Variants in NAV2 observed in about 807,000 individuals in gnomAD.
NAV2 encodes helicase, APC down-regulated 1.
NAV2 carries 54 observed loss-of-function variants against 223.2 expected under a neutral mutation model. That is an observed-to-expected ratio of 0.24 (90% CI 0.19 to 0.30). The LOEUF (loss-of-function observed/expected upper bound fraction) is 0.30. Ranked by LOEUF, NAV2 falls within the 10% of genes least tolerant of loss-of-function variation. The probability of loss-of-function intolerance (pLI) is 1.00; values close to 1 mark genes in which losing one functional copy is unlikely to be tolerated. For synonymous variants in NAV2, 1,279 were observed against 1,239.3 expected (o/e 1.03, Z -0.67); for missense variants, 2,806 against 3,147.5 (o/e 0.89, Z 2.60).
intron 1 of NAV2, among the ~76,000 whole-genome samples, chr11:19,553,091 T>C (rs563820505): frequency 2.0e-5 from 3 of 152,288 alleles, no homozygotes; most frequent in South Asian, 4.1e-4. Flanking sequence ...TGCAGGAAAA[T>C]GTCCCTTGGT....
intron 3 of NAV2, among the ~76,000 whole-genome samples, chr11:19,845,416 G>A (rs2060746576): frequency 6.6e-6 from 1 of 152,174 alleles, no homozygotes; most frequent in Non-Finnish European, 1.5e-5. Flanking sequence ...CTTGGGAAGT[G>A]TATCCTGTTA....
chr11:19,691,747 C>T (rs1056435733), intron 1 of NAV2, among the ~76,000 whole-genome samples: 1 of 152,128 alleles, frequency 6.6e-6, no homozygotes, highest in Non-Finnish European at 1.5e-5. Context: ...CAGCAGTCCC[C>T]ACTCTCACCC....
chr11:19,534,469 G>C (rs1183381950), intron 1 of NAV2, among the ~76,000 whole-genome samples: 1 of 152,218 alleles, frequency 6.6e-6, no homozygotes, highest in Admixed American at 6.5e-5. Flanking sequence ...TACGAGCTCA[G>C]TGTCTCATGG....
At chr11:19,934,389 T>A in intron 7 of NAV2, 112 bp downstream of exon 7, 1 of 1,297,464 alleles carries the variant, frequency 7.7e-7, no homozygotes, top group Non-Finnish European at 1.0e-6. Flanking sequence ...AATACTTAAG[T>A]CAGTAGCTAA....
intron 1 of NAV2, among the ~76,000 whole-genome samples, chr11:19,662,602 G>A (rs2048315199): frequency 6.6e-6 from 1 of 152,236 alleles, no homozygotes. Flanking sequence ...GGGTGACAGT[G>A]TGGCCCTCAG....
chr11:19,884,780 G>GTGTTGT (rs66462782), intron 5 of NAV2, among the ~76,000 whole-genome samples: 2 of 150,892 alleles, frequency 1.3e-5, no homozygotes, highest in East Asian at 2.0e-4. Context: ...CTTGTGCTTT[G>GTGTTGT]TGTTGTTGTT....
chr11:19,385,024 A>T (rs1034077001), intron 1 of NAV2: 3 of 152,232 alleles, frequency 2.0e-5, no homozygotes, highest in Non-Finnish European at 4.4e-5. Flanking sequence ...ATGGCAAAAG[A>T]CTTGAACAAG....
At chr11:19,442,733 C>G (rs1851449366) in intron 1 of NAV2, among the ~76,000 whole-genome samples, 1 of 152,164 alleles carries the variant, frequency 6.6e-6, no homozygotes, top group South Asian at 2.1e-4. Flanking sequence ...AAACAAGTCC[C>G]CCTGTGGCTG....
intron 11 of NAV2, among the ~76,000 whole-genome samples, chr11:20,028,915 G>A (rs779497583): frequency 7.9e-5 from 12 of 152,282 alleles, no homozygotes; most frequent in Non-Finnish European, 8.8e-5. Context: ...GCAGGACCAA[G>A]CAGGTAGCAC....
chr11:19,536,747 C>T (rs2044200167), intron 1 of NAV2, among the ~76,000 whole-genome samples: 3 of 152,110 alleles, frequency 2.0e-5, no homozygotes, highest in South Asian at 2.1e-4. Flanking sequence ...TTCTAGAAGC[C>T]GAAGTCTAAG....
intron 1 of NAV2, among the ~76,000 whole-genome samples, chr11:19,689,959 C>T (rs776882683): frequency 6.6e-6 from 1 of 152,126 alleles, no homozygotes; most frequent in Non-Finnish European, 1.5e-5. Flanking sequence ...GATTCATTTA[C>T]ATCTATTTTA....
At position 19,686,818 on chromosome 11, in the gene NAV2, G is replaced by C. The variant is rs901151645; in HGVS notation, c.76-145666G>C. The stretch of plus-strand genomic sequence containing the variant: ...TAGTTTCCTCACATAAAGTATGGGG[G>C]TTGGACTCAATTATAACATTTAGTC... On this transcript the variant is annotated intron_variant, in intron 1 of 37. Coordinates refer to the NAV2 transcript ENST00000360655. Among the ~76,000 whole-genome samples, 9 of 152,296 alleles carry C rather than the reference G, an allele frequency of 5.9e-5. No homozygotes were observed. The South Asian group carries it at 8.3e-4, about 14-fold the overall frequency.
chr11:20,103,161 C>T, intron 32 of NAV2, 94 bp from the exon 33 acceptor site: 1 of 1,255,524 alleles, frequency 8.0e-7, no homozygotes, highest in East Asian at 2.4e-5. Context: ...CTTTCTGCCT[C>T]CACTGGCCTG....
intron 10 of NAV2, among the ~76,000 whole-genome samples, chr11:19,971,397 G>T (rs958996431): frequency 6.6e-6 from 1 of 152,074 alleles, no homozygotes; most frequent in Admixed American, 6.6e-5. Context: ...AGGGGGCAAG[G>T]GGATGGAGAG....
intron 1 of NAV2, among the ~76,000 whole-genome samples, chr11:19,574,708 G>C (rs1445775230): frequency 1.3e-5 from 2 of 152,138 alleles, no homozygotes; most frequent in African/African-American, 4.8e-5. Flanking sequence ...GTGGAGCATA[G>C]GTCCAGTTAG....
chr11:19,587,938 G>A (rs1419486344), intron 1 of NAV2, among the ~76,000 whole-genome samples: 1 of 152,198 alleles, frequency 6.6e-6, no homozygotes, highest in Non-Finnish European at 1.5e-5. Flanking sequence ...AATTAAATGT[G>A]ATATGCAAAT....
In NAV2 at chr11:20,068,221, C is replaced by T. The variant is rs2059171637; in HGVS notation, c.4908+12C>T. The T allele has an allele frequency of 1.2e-6, 2 of 1,613,886 alleles. No homozygotes were observed. Among genetic ancestry groups the T allele is most frequent in the East Asian group, 4.5e-5 (2 of 44,880 alleles). ...AATGCCAGTCAGAGGTAAGGAACAG[C>T]TTTCTGGTTGGATTTCCTCTTTAAG... is the stretch of plus-strand genomic sequence containing the variant. On this transcript the variant is annotated intron_variant, in intron 21 of 37. Transcript: ENST00000349880.
intron 1 of NAV2, among the ~76,000 whole-genome samples, chr11:19,413,142 C>T (rs1200044780): frequency 6.6e-6 from 1 of 152,072 alleles, no homozygotes; most frequent in African/African-American, 2.4e-5. Context: ...GCTAAGGGAG[C>T]ATGTTCTAAC....
At chr11:19,778,262 C>G in intron 1 of NAV2, 1 of 438,416 alleles carries the variant, frequency 2.3e-6, no homozygotes, top group Non-Finnish European at 4.5e-6. Flanking sequence ...CTGGCGGGGA[C>G]CATAATTCCC....
Sources: allele counts gnomAD v4.1 joint callset (sites outside exome capture counted in the v4.1 genomes callset), GRCh38; gene constraint gnomAD v4.1.1; transcripts MANE v1.5; gene names NCBI Gene and HGNC (gene_info 2026-07-23, HGNC 2026-07-21).